Variants in PLCB1 observed in about 807,000 individuals in gnomAD.
PLCB1 encodes 1-phosphatidylinositol 4,5-bisphosphate phosphodiesterase beta-1.
Under a neutral mutation model 161.8 loss-of-function variants are expected in PLCB1, and 46 were observed. The observed-to-expected ratio is 0.28, with a 90% CI of 0.22 to 0.36. PLCB1 has a LOEUF of 0.36. Ranked by LOEUF, PLCB1 falls within the 10% of genes least tolerant of loss-of-function variation. PLCB1 has a pLI of 1.00. For missense variants in PLCB1, 1,016 were observed against 1,472.5 expected, an observed-to-expected ratio of 0.69 and a Z score of 5.07; for synonymous variants, 517 against 503.7, an observed-to-expected ratio of 1.03 and a Z score of -0.35.
At chr20:8,496,858 C>A (rs948746989) in intron 3 of PLCB1, among the ~76,000 whole-genome samples, 2 of 151,972 alleles carry the variant, frequency 1.3e-5, no homozygotes, top group African/African-American at 4.8e-5. Flanking sequence ...TTAAAATTAA[C>A]CTTCATGCTC....
chr20:8,750,903 A>G (rs1257654177), intron 23 of PLCB1: 2 of 1,153,098 alleles, frequency 1.7e-6, no homozygotes, highest in South Asian at 1.2e-5. Context: ...CCAAAGCAAG[A>G]TGCTGTCATA....
intron 23 of PLCB1, among the ~76,000 whole-genome samples, chr20:8,747,519 G>A (rs1209799973): frequency 6.6e-6 from 1 of 152,128 alleles, no homozygotes; most frequent in Non-Finnish European, 1.5e-5. Flanking sequence ...AAGTTGTTTG[G>A]TAATACTAAA....
chr20:8,143,502 T>C (rs2051424103), intron 1 of PLCB1, among the ~76,000 whole-genome samples: 1 of 152,242 alleles, frequency 6.6e-6, no homozygotes, highest in Non-Finnish European at 1.5e-5. Flanking sequence ...TGCCTGCCCT[T>C]ATTGCGGAGA....
intron 3 of PLCB1, among the ~76,000 whole-genome samples, chr20:8,518,719 G>A (rs528659609): frequency 2.0e-5 from 3 of 152,110 alleles, no homozygotes; most frequent in Middle Eastern, 3.4e-3. Context: ...AGGATGATTC[G>A]AGTGCATTAA....
intron 3 of PLCB1, among the ~76,000 whole-genome samples, chr20:8,537,013 G>A (rs372777640): frequency 2.0e-5 from 3 of 152,170 alleles, no homozygotes; most frequent in East Asian, 3.9e-4. Flanking sequence ...TACCTACAGA[G>A]ATATTGTTAG....
In PLCB1 at chr20:8,670,137, C is replaced by T. The variant is rs553370686; in HGVS notation, c.862+11433C>T. Among the ~76,000 whole-genome samples the T allele has an allele frequency of 2.0e-5, 3 of 152,204 alleles. No homozygotes were observed. In the South Asian group the frequency reaches 6.2e-4, roughly 32 times the overall value. ...CCATGTTCCAAACACAGCTCTAAAG[C>T]TGTACTTAAGAGAGACAGGTTCTAA... On this transcript the variant is annotated intron_variant, in intron 9 of 31. Coordinates refer to ENST00000338037, the MANE Select transcript of PLCB1 (RefSeq NM_015192.4).
intron 3 of PLCB1, among the ~76,000 whole-genome samples, chr20:8,623,242 C>T (rs1310219212): frequency 3.3e-5 from 5 of 152,074 alleles, no homozygotes; most frequent in African/African-American, 1.2e-4. Flanking sequence ...ATGGGAACTC[C>T]AGGGAACTTT....
chr20:8,647,886 T>C lies in PLCB1; in HGVS notation c.465-14T>C, dbSNP rs909842593. ...TAAAAAAATCAAACCCTTGTTTTTC[T>C]GCTTCTCCAACAGCTATACTAAACT... On this transcript the variant is annotated splice_polypyrimidine_tract_variant and intron_variant, in intron 5 of 31. Transcript: ENST00000338037. 5.0e-6 allele frequency: 8 copies of C among 1,607,428 alleles called. No individual in the cohort carries two copies. The highest frequency in any genetic ancestry group is 1.3e-5 in the African/African-American group (1 of 74,670).
At chr20:8,647,176 G>A (rs2123288933) in intron 5 of PLCB1, among the ~76,000 whole-genome samples, 1 of 151,928 alleles carries the variant, frequency 6.6e-6, no homozygotes, top group Non-Finnish European at 1.5e-5. Context: ...TTTTTACCTT[G>A]TCTTTGATTT....
At chr20:8,709,324 C>T (rs1347570591) in intron 12 of PLCB1, among the ~76,000 whole-genome samples, 2 of 152,178 alleles carry the variant, frequency 1.3e-5, no homozygotes, top group Non-Finnish European at 2.9e-5. Context: ...TTTGACTTCA[C>T]TGTTTTATAT....
intron 3 of PLCB1, among the ~76,000 whole-genome samples, chr20:8,453,325 T>C (rs1376091097): frequency 1.3e-5 from 2 of 152,242 alleles, no homozygotes; most frequent in Non-Finnish European, 1.5e-5. Context: ...TGATAACAGA[T>C]GGACCATGTA....
At chr20:8,785,330 C>T (rs556744555) in intron 27 of PLCB1, among the ~76,000 whole-genome samples, 1 of 152,012 alleles carries the variant, frequency 6.6e-6, no homozygotes, top group Non-Finnish European at 1.5e-5. Flanking sequence ...GGAGTAGGGC[C>T]CGAGAACTTA....
chr20:8,697,483 G>T, intron 10 of PLCB1, 143 bp from the exon 11 acceptor site: 1 of 766,530 alleles, frequency 1.3e-6, no homozygotes, highest in East Asian at 2.5e-5. Context: ...CTTCTGGTAT[G>T]TTGAGGCAGA....
chr20:8,629,646 G>T (rs1304065154), intron 4 of PLCB1, among the ~76,000 whole-genome samples: 1 of 152,142 alleles, frequency 6.6e-6, no homozygotes. Flanking sequence ...GCCTTACAGA[G>T]CTTCTCATGT....
chr20:8,133,106 G>A (rs1460775090), intron 1 of PLCB1, among the ~76,000 whole-genome samples: 3 of 152,126 alleles, frequency 2.0e-5, no homozygotes, highest in African/African-American at 7.2e-5. Flanking sequence ...GAAAGCGCCT[G>A]GTGTGAACAA....
intron 2 of PLCB1, among the ~76,000 whole-genome samples, chr20:8,236,900 A>C (rs948707612): frequency 6.6e-6 from 1 of 152,110 alleles, no homozygotes; most frequent in Non-Finnish European, 1.5e-5. Context: ...GCAATAATCA[A>C]AGAAATACAT....
intron 31 of PLCB1, among the ~76,000 whole-genome samples, chr20:8,876,377 T>G (rs532460761): frequency 1.3e-5 from 2 of 152,344 alleles, no homozygotes; most frequent in African/African-American, 4.8e-5. Flanking sequence ...CTCCAAGGCA[T>G]AGCCTACAAA....
intron 3 of PLCB1, among the ~76,000 whole-genome samples, chr20:8,392,091 C>A (rs1168922044): frequency 2.6e-5 from 4 of 151,904 alleles, no homozygotes; most frequent in African/African-American, 9.7e-5. Context: ...TGCGTCCCCT[C>A]CAATATTCAT....
chr20:8,165,987 T>C (rs146191550), intron 2 of PLCB1, among the ~76,000 whole-genome samples: 84 of 152,278 alleles, frequency 5.5e-4, no homozygotes, highest in African/African-American at 1.9e-3. Context: ...AGCTTCTCAA[T>C]GATTTCATAC....
Sources: allele counts gnomAD v4.1 joint callset (sites outside exome capture counted in the v4.1 genomes callset), GRCh38; gene constraint gnomAD v4.1.1; transcripts MANE v1.5; gene names NCBI Gene and HGNC (gene_info 2026-07-23, HGNC 2026-07-21).